Variants in CLDN16 observed in about 807,000 individuals in gnomAD.
CLDN16 encodes the protein claudin-16.
CLDN16 carries 13 observed loss-of-function variants against 24.6 expected under a neutral mutation model. That is an observed-to-expected ratio of 0.53 (90% CI 0.34 to 0.84). CLDN16 has a LOEUF of 0.84. CLDN16 is among the 40% of genes least tolerant of loss of function. The pLI is 0.01. For missense variants in CLDN16, 298 were observed against 292.7 expected (o/e 1.02, Z -0.13); for synonymous variants, 116 against 106.7 (o/e 1.09, Z -0.54).
At chr3:190,294,389 A>T in the CLDN16 span, among the ~76,000 whole-genome samples, 1 of 152,186 alleles carries the variant, frequency 6.6e-6, no homozygotes, top group Non-Finnish European at 1.5e-5. Context: ...TGAGAGGCTG[A>T]TTGGCATTGA....
rs979977937 is a variant in CLDN16, at chr3:190,411,655, C to T, written c.*1619C>T. The T allele has an allele frequency of 3.9e-5, 6 of 152,104 alleles. No homozygotes were observed. Among genetic ancestry groups the T allele is most frequent in the African/African-American group, 1.4e-4 (6 of 41,438 alleles). The allele number at this position is 152,104 out of a possible 1,614,324, so 9.4% of individuals were successfully genotyped here. A position where few individuals can be genotyped will look rare whatever the true frequency, so the allele number is the denominator to read the frequency against. On this transcript the variant is annotated 3_prime_UTR_variant, in exon 5 of 5. Coordinates refer to ENST00000264734, the MANE Select transcript of CLDN16 (RefSeq NM_006580.4). ...ATGATGTGAAAATGAGATTATGATT[C>T]CTACTACATGAATTAACGTTTCGAG... is the stretch of plus-strand genomic sequence containing the variant.
intron 2 of CLDN16, among the ~76,000 whole-genome samples, chr3:190,403,164 AT>A: frequency 6.6e-6 from 1 of 152,094 alleles, no homozygotes; most frequent in Non-Finnish European, 1.5e-5. Flanking sequence ...CCCATCCCTA[AT>A]AAAATTACCA....
At chr3:190,408,194 C>T in intron 3 of CLDN16, 120 bp from the exon 4 acceptor site, 2 of 961,612 alleles carry the variant, frequency 2.1e-6, no homozygotes, top group Non-Finnish European at 3.4e-6. Flanking sequence ...GCCCATGAAT[C>T]CATGTTACTG....
chr3:190,291,557 C>T, the CLDN16 span, among the ~76,000 whole-genome samples: 2 of 152,136 alleles, frequency 1.3e-5, no homozygotes, highest in African/African-American at 4.8e-5. Context: ...CCTCCCTCAA[C>T]ACACAGGGAT....
At chr3:190,359,258 C>T (rs1717838763) in intron 1 of CLDN16, among the ~76,000 whole-genome samples, 1 of 152,050 alleles carries the variant, frequency 6.6e-6, no homozygotes, top group African/African-American at 2.4e-5. Context: ...ATCTATTTTG[C>T]TCCTGAACAA....
intron 1 of CLDN16, among the ~76,000 whole-genome samples, chr3:190,356,650 A>G (rs956128271): frequency 6.6e-6 from 1 of 151,942 alleles, no homozygotes; most frequent in African/African-American, 2.4e-5. Context: ...GTAGGGATAT[A>G]ATATTCAATG....
chr3:190,398,381 C>T (rs1718873037), intron 1 of CLDN16, among the ~76,000 whole-genome samples: 1 of 152,326 alleles, frequency 6.6e-6, no homozygotes, highest in African/African-American at 2.4e-5. Context: ...CTTCTGGTGG[C>T]TGTAGGCATT....
At chr3:190,369,488 T>C (rs1186005218) in intron 1 of CLDN16, among the ~76,000 whole-genome samples, 2 of 151,966 alleles carry the variant, frequency 1.3e-5, no homozygotes, top group African/African-American at 2.4e-5. Flanking sequence ...ATATTCATTA[T>C]AGAATAGAAA....
At chr3:190,294,707 C>T in the CLDN16 span, among the ~76,000 whole-genome samples, 1 of 151,364 alleles carries the variant, frequency 6.6e-6, no homozygotes, top group South Asian at 2.1e-4. Context: ...CATTTTTTAC[C>T]CTAATCTTTT....
At chr3:190,401,908 A>G (rs1718972460) in intron 1 of CLDN16, among the ~76,000 whole-genome samples, 1 of 152,094 alleles carries the variant, frequency 6.6e-6, no homozygotes, top group Non-Finnish European at 1.5e-5. Context: ...GAAACAATAT[A>G]TATTTTTAAT....
At chr3:190,394,724 A>T (rs2108663055) in intron 1 of CLDN16, among the ~76,000 whole-genome samples, 1 of 152,302 alleles carries the variant, frequency 6.6e-6, no homozygotes, top group East Asian at 1.9e-4. Flanking sequence ...AAGAATGAAT[A>T]TATTAATGAT....
chr3:190,303,282 A>AT, the CLDN16 span, among the ~76,000 whole-genome samples: 3 of 152,120 alleles, frequency 2.0e-5, no homozygotes, highest in Non-Finnish European at 4.4e-5. Flanking sequence ...AGGCTGTTGG[A>AT]TTTTTTAAAT....
intron 1 of CLDN16, among the ~76,000 whole-genome samples, chr3:190,354,707 T>A (rs1199932664): frequency 6.6e-6 from 1 of 152,070 alleles, no homozygotes; most frequent in Non-Finnish European, 1.5e-5. Flanking sequence ...CTAGGACTAC[T>A]TGAAACCTTA....
At chr3:190,305,724 A>C in the CLDN16 span, 1 of 152,196 alleles carries the variant, frequency 6.6e-6, no homozygotes, top group Non-Finnish European at 1.5e-5. Flanking sequence ...AAATTAAAAA[A>C]CAATTTATTG....
At chr3:190,405,070 C>A in intron 3 of CLDN16, 144 bp downstream of exon 3, 1 of 800,710 alleles carries the variant, frequency 1.2e-6, no homozygotes, top group Non-Finnish European at 2.1e-6. Flanking sequence ...GTCACTTCTA[C>A]CAGCCCTGCA....
chr3:190,311,781 G>A, the CLDN16 span, among the ~76,000 whole-genome samples: 1 of 151,466 alleles, frequency 6.6e-6, no homozygotes, highest in African/African-American at 2.4e-5. Context: ...GATTGCATAT[G>A]TATGTACATA....
At chr3:190,402,462 T>TGCTTGCCAGG (rs1314427202) in intron 2 of CLDN16, 23 bp downstream of exon 2, 1 of 1,556,068 alleles carries the variant, frequency 6.4e-7, no homozygotes, top group Non-Finnish European at 8.9e-7. Context: ...TAGAGCTCAC[T>TGCTTGCCAGG]GCTTGCCAGG....
chr3:190,293,155 A>G, the CLDN16 span, among the ~76,000 whole-genome samples: 11 of 152,314 alleles, frequency 7.2e-5, no homozygotes, highest in South Asian at 2.1e-3. Context: ...TGGAAGGGGA[A>G]ACAGGCATGT....
chr3:190,332,001 C>T (rs559279142), intron 1 of CLDN16, among the ~76,000 whole-genome samples: 2 of 152,140 alleles, frequency 1.3e-5, no homozygotes, highest in African/African-American at 4.8e-5. Flanking sequence ...CTGGTTCACT[C>T]TCTTTACCTC....
Sources: allele counts gnomAD v4.1 joint callset (sites outside exome capture counted in the v4.1 genomes callset), GRCh38; gene constraint gnomAD v4.1.1; transcripts MANE v1.5; gene names NCBI Gene and HGNC (gene_info 2026-07-23, HGNC 2026-07-21).